The following MTIF2 variants were observed in gnomAD, a reference collection of about 807,000 sequenced individuals.
The protein encoded by MTIF2 is translation initiation factor IF-2, mitochondrial.
Under a neutral mutation model 83.5 loss-of-function variants are expected in MTIF2, and 71 were observed. The observed-to-expected ratio is 0.85, with a 90% CI of 0.70 to 1.04. The LOEUF is 1.04. MTIF2 is among the 50% of genes least tolerant of loss of function. MTIF2 has a pLI of 0.00. For missense variants in MTIF2, 957 were observed against 846.5 expected, an observed-to-expected ratio of 1.13 and a Z score of -1.62; for synonymous variants, 319 against 287.1, an observed-to-expected ratio of 1.11 and a Z score of -1.12.
At chr2:55,250,641 CCAAA>C (rs1419067972) in intron 8 of MTIF2, among the ~76,000 whole-genome samples, 2 of 152,112 alleles carry the variant, frequency 1.3e-5, no homozygotes, top group African/African-American at 2.4e-5. Context: ...AATGAAAGGA[CCAAA>C]CAATCTTTTA....
At chr2:55,250,730 G>C (rs1677034619) in intron 8 of MTIF2, among the ~76,000 whole-genome samples, 1 of 152,144 alleles carries the variant, frequency 6.6e-6, no homozygotes, top group East Asian at 1.9e-4. Context: ...TTCTGTGGTT[G>C]CATTTCATCA....
chr2:55,238,759 C>G (rs1005710805), intron 14 of MTIF2, among the ~76,000 whole-genome samples: 3 of 152,050 alleles, frequency 2.0e-5, no homozygotes, highest in Non-Finnish European at 2.9e-5. Flanking sequence ...TATAATGAAC[C>G]AATTTTCTAG....
At chr2:55,257,700 T>C (rs999581788) in intron 5 of MTIF2, among the ~76,000 whole-genome samples, 1 of 152,200 alleles carries the variant, frequency 6.6e-6, no homozygotes, top group African/African-American at 2.4e-5. Flanking sequence ...GGGAGTCTTT[T>C]TACCATATAG....
chr2:55,269,248 C>CGTCCCCGCTACG (rs1678660277), upstream of MTIF2: 2 of 152,296 alleles, frequency 1.3e-5, no homozygotes, highest in African/African-American at 2.4e-5. Flanking sequence ...TAGGTCAGTC[C>CGTCCCCGCTACG]GTCCCCGCTA....
chr2:55,266,174 C>T lies in MTIF2; in HGVS notation c.-8+1395G>A, dbSNP rs115990719. ...ATGGAAATTATGAACTATTTCAATGCGTTTACCTTAACCATATAAAGCTAT... is the reference window on the plus strand; with the variant it reads ...ATGGAAATTATGAACTATTTCAATGTGTTTACCTTAACCATATAAAGCTAT... On this transcript the variant is annotated intron_variant, in intron 3 of 15. Coordinates refer to ENST00000263629, the MANE Select transcript of MTIF2 (RefSeq NM_002453.3). 7.1e-3 allele frequency among the ~76,000 whole-genome samples: 1,080 copies of T among 152,102 alleles called. 18 individuals are homozygous for T. Among genetic ancestry groups the T allele is most frequent in the African/African-American group, 0.025 (1,027 of 41,514 alleles).
At chr2:55,258,474 G>A (rs1677711286) in intron 5 of MTIF2, among the ~76,000 whole-genome samples, 1 of 152,072 alleles carries the variant, frequency 6.6e-6, no homozygotes, top group African/African-American at 2.4e-5. Flanking sequence ...TTCGAGACCA[G>A]CCTGACCAAC....
At chr2:55,246,931 A>T (rs1676740868) in intron 9 of MTIF2, among the ~76,000 whole-genome samples, 1 of 152,186 alleles carries the variant, frequency 6.6e-6, no homozygotes, top group African/African-American at 2.4e-5. Flanking sequence ...CCTACAAAGC[A>T]TATCAAGCAT....
Position 55,243,432 on chromosome 2 carries a change from A to G in MTIF2, c.1548T>C (p.Leu516=), listed in dbSNP as rs1488140038. The G allele has an allele frequency of 6.2e-7, 1 of 1,605,656 alleles. No individual in the cohort carries two copies. Among genetic ancestry groups the G allele is most frequent in the Non-Finnish European group, 8.5e-7 (1 of 1,174,688 alleles). The change falls in exon 12 of 16, where the codon CTT becomes CTC. Residue 516 remains leucine (L), a synonymous_variant. Transcript: ENST00000263629. ...AAAAGATACCTTTAATAATCACAGA[A>G]AGTACATTTGAATCTCTTTCCCTTT... ...KEKRERDSNV[L]SVIIKGDVDG...
At position 55,244,024 on chromosome 2, in the gene MTIF2, T is replaced by C. The variant is rs1375757871; in HGVS notation, c.1311+5A>G. Reference sequence around the variant, plus strand: ...TCTAATATATAGGAATTAAGCTTGATACACCTCAGATTCTACTTCAAGAAT... The same window carrying C: ...TCTAATATATAGGAATTAAGCTTGACACACCTCAGATTCTACTTCAAGAAT... On this transcript the variant is annotated splice_donor_5th_base_variant and intron_variant, in intron 11 of 15. Coordinates refer to ENST00000263629, the MANE Select transcript of MTIF2 (RefSeq NM_002453.3). 2 of 1,610,924 alleles carry C rather than the reference T, an allele frequency of 1.2e-6. No homozygotes were observed. Among genetic ancestry groups the C allele is most frequent in the Admixed American group, 1.7e-5 (1 of 59,922 alleles).
rs1453027529 is a variant in MTIF2 at position 55,243,349 on chromosome 2, A to G, written c.1564+67T>C. ...AATTTTCATGTAAATGTAAAGGCCC[A>G]AACTATGAGAATAAAAAAACATATA... is the stretch of plus-strand genomic sequence containing the variant. On this transcript the variant is annotated intron_variant, in intron 12 of 15. Coordinates refer to ENST00000263629, the MANE Select transcript of MTIF2 (RefSeq NM_002453.3). 14 of 1,420,076 alleles carry G rather than the reference A, an allele frequency of 9.9e-6. No individual in the cohort carries two copies. The South Asian group carries it at 1.5e-4, about 15-fold the overall frequency. The allele number at this position is 1,420,076 out of a possible 1,614,324, so 88.0% of individuals were successfully genotyped here. A position where few individuals can be genotyped will look rare whatever the true frequency, so the allele number is the denominator to read the frequency against.
intron 5 of MTIF2, among the ~76,000 whole-genome samples, chr2:55,258,062 G>A (rs1677679737): frequency 6.6e-6 from 1 of 152,180 alleles, no homozygotes; most frequent in South Asian, 2.1e-4. Context: ...AAAGTGCTGG[G>A]ATTACAGACA....
chr2:55,262,706 C>T (rs538318466), intron 4 of MTIF2, among the ~76,000 whole-genome samples: 1 of 133,898 alleles, frequency 7.5e-6, no homozygotes, highest in South Asian at 2.5e-4. Flanking sequence ...CCAAGCCCAG[C>T]TAATTTTTGT....
chr2:55,238,957 AATCAAATCTC>A (rs377644605), intron 14 of MTIF2, among the ~76,000 whole-genome samples: 79 of 152,346 alleles, frequency 5.2e-4, no homozygotes, highest in African/African-American at 1.8e-3. Flanking sequence ...AAAAATGCAA[AATCAAATCTC>A]ATCATGGGGA....
intron 8 of MTIF2, among the ~76,000 whole-genome samples, chr2:55,250,467 C>T (rs1677019454): frequency 6.6e-6 from 1 of 151,168 alleles, no homozygotes; most frequent in African/African-American, 2.4e-5. Flanking sequence ...ACTGCTAGAT[C>T]ATTTGCCTCT....
intron 13 of MTIF2, 73 bp downstream of exon 13, chr2:55,242,867 A>C: frequency 6.8e-7 from 1 of 1,481,314 alleles, no homozygotes; most frequent in Non-Finnish European, 9.1e-7. Context: ...CAAGCCAAGC[A>C]ACAAAAGACA....
intron 5 of MTIF2, among the ~76,000 whole-genome samples, chr2:55,259,573 T>C (rs529374426): frequency 7.9e-5 from 12 of 152,174 alleles, no homozygotes; most frequent in African/African-American, 2.9e-4. Context: ...AAATAAAATA[T>C]CTGTTGTCAC....
chr2:55,262,911 T>A (rs750449393), intron 4 of MTIF2, among the ~76,000 whole-genome samples: 1 of 152,274 alleles, frequency 6.6e-6, no homozygotes, highest in Non-Finnish European at 1.5e-5. Flanking sequence ...GTATTTTCAG[T>A]AGAAACAGGG....
rs909755308 is a variant in MTIF2, at chr2:55,244,361, A to C, written c.1107-128T>G. 3.5e-5 allele frequency: 26 copies of C among 751,526 alleles called. No homozygotes were observed. In the African/African-American group the frequency reaches 3.7e-4, roughly 11 times the overall value. 46.6% of individuals were successfully genotyped at this position (751,526 alleles called of 1,614,324 possible). On this transcript the variant is annotated intron_variant, in intron 10 of 15. Transcript: ENST00000263629. ...GATTAATTCCACCACTTCTTAACTT[A>C]AGCAGTTTTTCATACTATAAAAACA...
intron 5 of MTIF2, among the ~76,000 whole-genome samples, chr2:55,259,309 C>A (rs1008618048): frequency 6.6e-6 from 1 of 152,084 alleles, no homozygotes; most frequent in Non-Finnish European, 1.5e-5. Context: ...TGAAAACTAT[C>A]TTTAATTCAG....
Sources: allele counts gnomAD v4.1 joint callset (sites outside exome capture counted in the v4.1 genomes callset), GRCh38; gene constraint gnomAD v4.1.1; transcripts MANE v1.5; gene names NCBI Gene and HGNC (gene_info 2026-07-23, HGNC 2026-07-21).